ARHGAP29: variants seen among roughly 807,000 people sequenced by gnomAD.
The protein encoded by ARHGAP29 is rho GTPase-activating protein 29.
ARHGAP29 carries 43 observed loss-of-function variants against 122.6 expected under a neutral mutation model. The ratio of observed to expected loss-of-function variants is 0.35; its 90% CI spans 0.27 to 0.45. The LOEUF is 0.45. Ranked by LOEUF, ARHGAP29 falls within the 20% of genes least tolerant of loss-of-function variation. The pLI is 1.00. For missense variants in ARHGAP29, 1,303 were observed against 1,477.2 expected (o/e 0.88, Z 1.93); for synonymous variants, 506 against 497.1 (o/e 1.02, Z -0.24).
At chr1:94,187,651 T>C (rs1467030296) in intron 15 of ARHGAP29, among the ~76,000 whole-genome samples, 1 of 152,120 alleles carries the variant, frequency 6.6e-6, no homozygotes, top group African/African-American at 2.4e-5. Context: ...ATTCCCAGGT[T>C]TTCACCCATT....
chr1:94,202,415 G>A (rs1394968591), intron 11 of ARHGAP29, 129 bp downstream of exon 11: 4 of 1,096,848 alleles, frequency 3.6e-6, no homozygotes, highest in Non-Finnish European at 5.2e-6. Flanking sequence ...GAGAAACTCT[G>A]GGGGATGGGC....
At chr1:94,283,951 G>A in the ARHGAP29 span, among the ~76,000 whole-genome samples, 1 of 152,018 alleles carries the variant, frequency 6.6e-6, no homozygotes, top group Non-Finnish European at 1.5e-5. Flanking sequence ...AAATGGTCTT[G>A]TACTCAGTTG....
In ARHGAP29 at chr1:94,179,877, T is replaced by G; in HGVS notation, c.2328A>C (p.Glu776Asp). The G allele has an allele frequency of 6.2e-7, 1 of 1,613,294 alleles. No individual in the cohort carries two copies. The highest frequency in any genetic ancestry group is 8.5e-7 in the Non-Finnish European group (1 of 1,179,676). Residue 776 changes from glutamate to aspartate, a missense_variant, in exon 20 of 23, where the codon GAA becomes GAC. Physicochemically the swap from Glu to Asp is conservative, Grantham distance 45. Transcript: ENST00000260526. ...CAAGACTATTCTTTTTTGTCTCTTG[T>G]TCTTCATTTACATGTTGGATCTCTT... ...LAKEIQHVNEEQETKKNSLED... is the reference protein window; with the variant it reads ...LAKEIQHVNEDQETKKNSLED...
chr1:94,209,046 C>T, intron 4 of ARHGAP29, 142 bp from the exon 5 acceptor site: 1 of 838,048 alleles, frequency 1.2e-6, no homozygotes, highest in East Asian at 2.7e-5. Context: ...ACATAAACCA[C>T]AGTCACTTGC....
intron 12 of ARHGAP29, among the ~76,000 whole-genome samples, chr1:94,198,828 T>C (rs538976628): frequency 2.6e-5 from 4 of 152,330 alleles, no homozygotes; most frequent in African/African-American, 9.6e-5. Flanking sequence ...TTTTTGGAGA[T>C]ATGGACAAGC....
the ARHGAP29 span, among the ~76,000 whole-genome samples, chr1:94,312,226 C>T: frequency 2.0e-5 from 3 of 152,270 alleles, no homozygotes; most frequent in South Asian, 4.1e-4. Context: ...CCCCTAACTC[C>T]ATTGTCAGGA....
At chr1:94,309,824 T>A in the ARHGAP29 span, among the ~76,000 whole-genome samples, 1 of 152,110 alleles carries the variant, frequency 6.6e-6, no homozygotes, top group African/African-American at 2.4e-5. Flanking sequence ...GGTCTCTAGG[T>A]AAATGGCGAT....
At chr1:94,188,439 C>T (rs1649940188) in intron 15 of ARHGAP29, among the ~76,000 whole-genome samples, 1 of 151,646 alleles carries the variant, frequency 6.6e-6, no homozygotes, top group Non-Finnish European at 1.5e-5. Context: ...TCACATAGAT[C>T]TTAAAAAAAA....
Position 94,170,708 on chromosome 1 carries a change from C to T in ARHGAP29, c.*3161G>A, listed in dbSNP as rs777645113. ...CATTGAATCTACAAATGTAAATGAA[C>T]ATCTTTACACGACTGAGTCTTCTAA... On this transcript the variant is annotated 3_prime_UTR_variant, in exon 23 of 23. Coordinates refer to ENST00000260526, the MANE Select transcript of ARHGAP29 (RefSeq NM_004815.4). Among the ~76,000 whole-genome samples the T allele has an allele frequency of 3.9e-5, 6 of 152,170 alleles. No homozygotes were observed. Among genetic ancestry groups the T allele is most frequent in the African/African-American group, 1.4e-4 (6 of 41,456 alleles).
At position 94,179,978 on chromosome 1, in the gene ARHGAP29, T is replaced by A. The variant is rs1341061367; in HGVS notation, c.2248-21A>T. 2.0e-6 allele frequency: 3 copies of A among 1,525,796 alleles called. No homozygotes were observed. The African/African-American group carries it at 4.2e-5, about 21-fold the overall frequency. The allele number at this position is 1,525,796 out of a possible 1,614,324, so 94.5% of individuals were successfully genotyped here. The stretch of plus-strand genomic sequence containing the variant: ...GGGAGCTAAAGAAATAAAATTACAT[T>A]GGGGTAAGCATTCTATTTTTTTCTG... On this transcript the variant is annotated intron_variant, in intron 19 of 22. Transcript: ENST00000260526.
intron 12 of ARHGAP29, among the ~76,000 whole-genome samples, chr1:94,201,517 TC>T (rs1650847311): frequency 5.2e-4 from 1 of 1,906 alleles, no homozygotes; most frequent in African/African-American, 7.2e-4. Context: ...TCTCTCTCTC[TC>T]TCTCTCTCTC....
At chr1:94,311,490 A>G in the ARHGAP29 span, among the ~76,000 whole-genome samples, 1 of 152,290 alleles carries the variant, frequency 6.6e-6, no homozygotes. Flanking sequence ...TGTCAGATCA[A>G]ATAAAATAAT....
At chr1:94,254,093 A>C (rs146018430) in intron 1 of ARHGAP29, among the ~76,000 whole-genome samples, 149 of 152,348 alleles carry the variant, frequency 9.8e-4, no homozygotes, top group African/African-American at 3.4e-3. Flanking sequence ...AATTAGAAGA[A>C]GGCAAATACA....
intron 3 of ARHGAP29, among the ~76,000 whole-genome samples, chr1:94,210,514 A>G (rs916431834): frequency 5.9e-5 from 9 of 152,226 alleles, no homozygotes; most frequent in Admixed American, 1.3e-4. Flanking sequence ...ATTGCAACCA[A>G]AATTTTATAT....
chr1:94,244,206 A>C (rs752691413), intron 1 of ARHGAP29, among the ~76,000 whole-genome samples: 1 of 147,016 alleles, frequency 6.8e-6, no homozygotes, highest in African/African-American at 2.5e-5. Context: ...GACATTACCA[A>C]AAAAAAAAAC....
rs751874642 is a variant in ARHGAP29 at position 94,190,132 on chromosome 1, C to T, written c.1282-49G>A. The T allele has an allele frequency of 3.8e-6, 6 of 1,573,964 alleles. No homozygotes were observed. In the South Asian group the frequency reaches 5.7e-5, roughly 15 times the overall value. On this transcript the variant is annotated intron_variant, in intron 12 of 22. Transcript: ENST00000260526. The stretch of plus-strand genomic sequence containing the variant: ...AGAGTAACTCATGATATACAGAATG[C>T]TATATAAACATACATTTATTTCAAT...
chr1:94,237,374 G>A (rs1653345051), intron 1 of ARHGAP29, 41 bp downstream of exon 1: 1 of 983,598 alleles, frequency 1.0e-6, no homozygotes. Flanking sequence ...CCGGAGCCAC[G>A]ACCGCCGCGG....
chr1:94,212,145 G>A (rs1651663545), intron 3 of ARHGAP29, among the ~76,000 whole-genome samples: 1 of 152,112 alleles, frequency 6.6e-6, no homozygotes, highest in African/African-American at 2.4e-5. Context: ...TGGGGGTGGT[G>A]ACGCACTCCT....
At chr1:94,183,420 A>C (rs1649601855) in intron 19 of ARHGAP29, among the ~76,000 whole-genome samples, 1 of 151,970 alleles carries the variant, frequency 6.6e-6, no homozygotes, top group African/African-American at 2.4e-5. Flanking sequence ...GCTTGATGCT[A>C]CTAGAGCCAT....
Sources: allele counts gnomAD v4.1 joint callset (sites outside exome capture counted in the v4.1 genomes callset), GRCh38; gene constraint gnomAD v4.1.1; transcripts MANE v1.5; gene names NCBI Gene and HGNC (gene_info 2026-07-23, HGNC 2026-07-21).